Variants in LAD1 observed in about 807,000 individuals in gnomAD.
LAD1 encodes the protein ladinin 1.
Under a neutral mutation model 54.2 loss-of-function variants are expected in LAD1, and 53 were observed. That is an observed-to-expected ratio of 0.98 (90% CI 0.78 to 1.23). The LOEUF is 1.23. Among genes scored for constraint, LAD1 ranks in the 50% most tolerant of loss-of-function variants. The pLI is 0.00. For synonymous variants in LAD1, 231 were observed against 257.7 expected (o/e 0.90, Z 0.99); for missense variants, 637 against 653.3 (o/e 0.98, Z 0.27).
intron 2 of LAD1, 44 bp from the exon 3 acceptor site, chr1:201,387,222 A>T: frequency 6.8e-7 from 1 of 1,469,798 alleles, no homozygotes; most frequent in Non-Finnish European, 9.0e-7. Context: ...TAGAGGTGGA[A>T]GATACCCTAA....
chr1:201,382,380 CT>C, intron 8 of LAD1, 54 bp from the exon 9 acceptor site: 2 of 1,386,820 alleles, frequency 1.4e-6, no homozygotes, highest in Non-Finnish European at 2.1e-6. Flanking sequence ...CTCCAAAGGG[CT>C]CGGGATACCC....
intron 7 of LAD1, 143 bp downstream of exon 7, chr1:201,382,931 G>T: frequency 2.7e-6 from 3 of 1,124,336 alleles, no homozygotes; most frequent in South Asian, 3.0e-5. Flanking sequence ...GCTCAGGAAC[G>T]TGAATGGGAA....
At chr1:201,397,688 A>G (rs1447801995) in intron 1 of LAD1, among the ~76,000 whole-genome samples, 1 of 152,200 alleles carries the variant, frequency 6.6e-6, no homozygotes, top group African/African-American at 2.4e-5. Context: ...GAGGTCTTCA[A>G]TAAACAGTTC....
intron 7 of LAD1, 97 bp downstream of exon 7, chr1:201,382,977 T>C (rs895123840): frequency 1.6e-5 from 23 of 1,419,510 alleles, no homozygotes; most frequent in African/African-American, 1.1e-4. Context: ...AATTGACACA[T>C]GAAAACAGTT....
Position 201,395,746 on chromosome 1 carries a change from G to A in LAD1, c.38+3523C>T, listed in dbSNP as rs75438785. On this transcript the variant is annotated intron_variant, in intron 1 of 9. Coordinates refer to ENST00000391967, the MANE Select transcript of LAD1 (RefSeq NM_005558.4). ...TGCACTCCAGCCTGAGTGACAGAGT[G>A]AGACTCTGTCCATCTCGTATATAAA... Among the ~76,000 whole-genome samples, 169 of 152,276 alleles carry A rather than the reference G, an allele frequency of 1.1e-3. 1 individual carries two copies. In the East Asian group the frequency reaches 0.03, roughly 27 times the overall value.
At chr1:201,382,108 C>CCAAT (rs944432081) in intron 9 of LAD1, 144 bp downstream of exon 9, 10 of 863,934 alleles carry the variant, frequency 1.2e-5, no homozygotes, top group Non-Finnish European at 1.9e-5. Context: ...TTGGCTCAGA[C>CCAAT]CAATCTGCAT....
intron 1 of LAD1, chr1:201,391,055 G>T: frequency 2.2e-6 from 1 of 453,752 alleles, no homozygotes; most frequent in Non-Finnish European, 4.4e-6. Context: ...GGGAAGGGAA[G>T]ACTTACAAAC....
chr1:201,387,472 C>T (rs907676296), intron 2 of LAD1, among the ~76,000 whole-genome samples: 7 of 152,218 alleles, frequency 4.6e-5, no homozygotes, highest in Non-Finnish European at 7.3e-5. Context: ...TGTGCCAGAG[C>T]CTGCTTGGGG....
chr1:201,391,610 C>T (rs1387146484), intron 1 of LAD1, among the ~76,000 whole-genome samples: 1 of 152,212 alleles, frequency 6.6e-6, no homozygotes, highest in Non-Finnish European at 1.5e-5. Context: ...AATAACTCCC[C>T]CAACCAAAGT....
intron 1 of LAD1, among the ~76,000 whole-genome samples, chr1:201,393,851 CTTTTTTTTT>C (rs35169716): frequency 8.9e-6 from 1 of 112,258 alleles, no homozygotes; most frequent in African/African-American, 3.5e-5. Context: ...TTAAGTTTTG[CTTTTTTTTT>C]TTTTTTTTTT....
intron 5 of LAD1, 123 bp from the exon 6 acceptor site, chr1:201,383,512 C>T (rs1662011918): frequency 2.2e-6 from 2 of 901,482 alleles, no homozygotes; most frequent in African/African-American, 3.3e-5. Flanking sequence ...ATGTGGCCCT[C>T]CATCACACAG....
Position 201,385,710 on chromosome 1 carries a change from G to T in LAD1, c.1122C>A (p.Ile374=), listed in dbSNP as rs1023369727. Residue 374 remains isoleucine (I), a synonymous_variant, in exon 4 of 10, where the codon ATC becomes ATA. Transcript: ENST00000391967. ...SSLKRSSPRT[I]SFRMKPKKEN... is the part of the protein sequence containing the mutation. ...TGCCCAGGGCTCTCACCCGAAAGGAGATGGTCCTGGGGCTGGAGCGTTTGA... is the reference window on the plus strand; with the variant it reads ...TGCCCAGGGCTCTCACCCGAAAGGATATGGTCCTGGGGCTGGAGCGTTTGA... 3 of 1,613,646 alleles carry T rather than the reference G, an allele frequency of 1.9e-6. No individual in the cohort carries two copies. The highest frequency in any genetic ancestry group is 2.2e-5 in the East Asian group (1 of 44,870).
chr1:201,393,602 C>T (rs1315539704), intron 1 of LAD1, among the ~76,000 whole-genome samples: 1 of 151,744 alleles, frequency 6.6e-6, no homozygotes, highest in African/African-American at 2.4e-5. Flanking sequence ...AAAAATTAGC[C>T]GGGCATGGTG....
Position 201,389,306 on chromosome 1 carries a change from G to GGGGGA in LAD1, c.39-8_39-4dup. 1 of 1,610,620 alleles carries GGGGGA rather than the reference G, an allele frequency of 6.2e-7. No homozygotes were observed. Among genetic ancestry groups the GGGGGA allele is most frequent in the Non-Finnish European group, 8.5e-7 (1 of 1,179,376 alleles). ...CCAGAGTCCTCTGCCGGGCAAGGCT[G>GGGGGA]GGGGAGGGGAGGAGAGGGTCAGCAC... On this transcript the variant is annotated splice_region_variant and splice_polypyrimidine_tract_variant and intron_variant, in intron 1 of 9. Coordinates refer to ENST00000391967, the MANE Select transcript of LAD1 (RefSeq NM_005558.4).
At chr1:201,382,353 C>T in intron 8 of LAD1, 27 bp from the exon 9 acceptor site, 1 of 1,574,800 alleles carries the variant, frequency 6.4e-7, no homozygotes, top group Non-Finnish European at 8.7e-7. Flanking sequence ...GGGTGGAGAC[C>T]AGAGACTAAG....
chr1:201,392,050 C>T (rs991640956), intron 1 of LAD1, among the ~76,000 whole-genome samples: 2 of 152,254 alleles, frequency 1.3e-5, no homozygotes, highest in African/African-American at 4.8e-5. Context: ...AGCCCTAGTT[C>T]CCACTGAGCC....
chr1:201,398,449 G>C (rs751548248), intron 1 of LAD1, among the ~76,000 whole-genome samples: 2 of 152,190 alleles, frequency 1.3e-5, no homozygotes, highest in African/African-American at 4.8e-5. Flanking sequence ...GATGGGGGAC[G>C]GGGGCGCCCA....
Position 201,383,300 on chromosome 1 carries a change from G to A in LAD1, c.1248+17C>T, listed in dbSNP as rs912217535. The A allele has an allele frequency of 8.7e-6, 14 of 1,613,938 alleles. No individual in the cohort carries two copies. The Admixed American group carries it at 1.3e-4, about 15-fold the overall frequency. Reference sequence around the variant, plus strand: ...TCATCCTGCACCCTCCGCCCCTCAGGAGAAGCCCCCACCCACCCGTATGGC... The same window carrying A: ...TCATCCTGCACCCTCCGCCCCTCAGAAGAAGCCCCCACCCACCCGTATGGC... On this transcript the variant is annotated intron_variant, in intron 6 of 9. Coordinates refer to ENST00000391967, the MANE Select transcript of LAD1 (RefSeq NM_005558.4).
chr1:201,382,854 G>A (rs1054559456), intron 7 of LAD1, 115 bp from the exon 8 acceptor site: 8 of 961,950 alleles, frequency 8.3e-6, no homozygotes, highest in Non-Finnish European at 1.1e-5. Flanking sequence ...TCCAGCACAT[G>A]CCACATATAC....
Sources: allele counts gnomAD v4.1 joint callset (sites outside exome capture counted in the v4.1 genomes callset), GRCh38; gene constraint gnomAD v4.1.1; transcripts MANE v1.5; gene names NCBI Gene and HGNC (gene_info 2026-07-23, HGNC 2026-07-21).